Variants in IFI16 observed in about 807,000 individuals in gnomAD.
The protein encoded by IFI16 is gamma-interferon-inducible protein 16.
Under a neutral mutation model 68.4 loss-of-function variants are expected in IFI16, and 49 were observed. That is an observed-to-expected ratio of 0.72 (90% confidence interval 0.57 to 0.91). The LOEUF is 0.91. Among genes scored for constraint, IFI16 ranks in the 40% least tolerant of loss-of-function variants. The pLI is 0.00. For missense variants in IFI16, 878 were observed against 942.9 expected, an observed-to-expected ratio of 0.93 and a Z score of 0.90; for synonymous variants, 307 against 315.0, an observed-to-expected ratio of 0.97 and a Z score of 0.27.
intron 7 of IFI16, among the ~76,000 whole-genome samples, chr1:159,040,928 T>C (rs987236935): frequency 6.6e-6 from 1 of 152,202 alleles, no homozygotes; most frequent in African/African-American, 2.4e-5. Context: ...CTCCAGTATA[T>C]TTACATGTGT....
chr1:159,025,267 C>G (rs12117435), intron 6 of IFI16, among the ~76,000 whole-genome samples: 250 of 152,196 alleles, frequency 1.6e-3, no homozygotes, highest in Non-Finnish European at 2.4e-3. Flanking sequence ...CTTCACCACC[C>G]CCGCGTGCTA....
Position 159,016,552 on chromosome 1 carries a change from A to C in IFI16, c.401A>C (p.Lys134Thr). ...TTTCAGAAAAGAAAAAAATCAACCA[A>C]AGAAAAGGCTGGACCCAAAGGGAGT... ...PGAQKRKKST[K>T]EKAGPKGSKV... Residue 134 changes from lysine to threonine, a missense_variant, in exon 4 of 12, where the codon AAA becomes ACA. Coordinates refer to ENST00000295809, the MANE Select transcript of IFI16 (RefSeq NM_001376587.1). 6.2e-7 allele frequency: 1 copy of C among 1,602,130 alleles called. No individual in the cohort carries two copies. The highest frequency in any genetic ancestry group is 8.5e-7 in the Non-Finnish European group (1 of 1,177,064).
chr1:159,014,383 A>C (rs1422816269), intron 1 of IFI16, among the ~76,000 whole-genome samples: 1 of 151,274 alleles, frequency 6.6e-6, no homozygotes, highest in East Asian at 1.9e-4. Context: ...TGCAGAGCTC[A>C]TACTCTTAAC....
chr1:159,023,709 G>T (rs1208833170), intron 6 of IFI16, among the ~76,000 whole-genome samples: 2 of 151,962 alleles, frequency 1.3e-5, no homozygotes, highest in Non-Finnish European at 2.9e-5. Context: ...CAATTATTTG[G>T]CAGAGTGTCT....
chr1:159,018,273 T>G lies in IFI16; in HGVS notation c.594T>G (p.Asn198Lys). The change falls in exon 5 of 12, where the codon AAT becomes AAG. Residue 198 changes from asparagine (N) to lysine (K), a missense_variant. This residue lies in a region of IFI16 where 443 missense variants were observed against 421.8 expected (regional missense o/e 1.05). Coordinates refer to ENST00000295809, the MANE Select transcript of IFI16 (RefSeq NM_001376587.1). ...VAKCQVTPRR[N>K]VLQKRPVIVK... ...AATGTCAGGTAACTCCCAGAAGAAA[T>G]GTTCTCCAAAAACGCCCAGTGATAG... 2 of 1,614,032 alleles carry G rather than the reference T, an allele frequency of 1.2e-6. No homozygotes were observed. Among genetic ancestry groups the G allele is most frequent in the Non-Finnish European group, 8.5e-7 (1 of 1,179,940 alleles).
rs148749981 is a variant in IFI16, at chr1:159,028,934, T to C, written c.1162-3590T>C. ...TAAACACTTGGTTGGTGAATTCTTA[T>C]TCATTTTGCTGTTCTGTATGCTTTA... On this transcript the variant is annotated intron_variant, in intron 6 of 11. Transcript: ENST00000295809. 8.0e-4 allele frequency among the ~76,000 whole-genome samples: 122 copies of C among 152,330 alleles called. No individual in the cohort carries two copies. The East Asian group carries it at 0.022, about 28-fold the overall frequency.
At chr1:159,054,787 C>T in intron 11 of IFI16, 34 bp from the exon 12 acceptor site, 1 of 1,188,148 alleles carries the variant, frequency 8.4e-7, no homozygotes, top group Admixed American at 1.8e-5. Context: ...ATCAGCATCT[C>T]AACTGGTCTG....
At chr1:159,029,977 C>T (rs1195512955) in intron 6 of IFI16, among the ~76,000 whole-genome samples, 3 of 130,618 alleles carry the variant, frequency 2.3e-5, no homozygotes, top group African/African-American at 3.4e-5. Flanking sequence ...CCACCATGCC[C>T]GGCAGCTTTG....
In IFI16 at chr1:159,032,610, G is replaced by T. The variant is rs773958420; in HGVS notation, c.1248G>T (p.Glu416Asp). The T allele has an allele frequency of 5.0e-6, 8 of 1,613,000 alleles. No homozygotes were observed. The highest frequency in any genetic ancestry group is 2.2e-5 in the East Asian group (1 of 44,758). The change falls in exon 7 of 12, where the codon GAG (glutamate) becomes GAT (aspartate). Residue 416 changes from glutamate to aspartate, a missense_variant. Around this residue, in one of 4 missense-constraint regions of IFI16, gnomAD observed 443 missense variants for 421.8 expected, o/e 1.05. Transcript: ENST00000295809. ...AGCGTCAGCTTCCATATCCTTCAGA[G>T]GCCAGCACAACCTTCCCTGAGAGCC... ...QEQRQLPYPS[E>D]ASTTFPESHL...
chr1:159,022,688 T>C (rs1653412749), intron 6 of IFI16, among the ~76,000 whole-genome samples: 1 of 152,240 alleles, frequency 6.6e-6, no homozygotes, highest in Non-Finnish European at 1.5e-5. Flanking sequence ...ATAAGCATGT[T>C]AGGGCAAATA....
chr1:159,003,982 C>A (rs1385481000), upstream of IFI16, among the ~76,000 whole-genome samples: 3 of 152,118 alleles, frequency 2.0e-5, no homozygotes, highest in Non-Finnish European at 4.4e-5. Context: ...TTTTGCATTT[C>A]TGACACTCAT....
In IFI16 at chr1:159,036,627, G is replaced by A. The variant is rs1654344154; in HGVS notation, c.1329+3936G>A. Among the ~76,000 whole-genome samples the A allele has an allele frequency of 2.0e-5, 3 of 152,208 alleles. No homozygotes were observed. In the South Asian group the frequency reaches 6.2e-4, roughly 32 times the overall value. ...TTAAAATTAGACATTGTTTTTGTTT[G>A]GGTTTGTTTTCATAATCTAGTCTCT... On this transcript the variant is annotated intron_variant, in intron 7 of 11. Coordinates refer to ENST00000295809, the MANE Select transcript of IFI16 (RefSeq NM_001376587.1).
intron 1 of IFI16, among the ~76,000 whole-genome samples, chr1:159,014,340 A>G (rs1652784210): frequency 6.6e-6 from 1 of 152,210 alleles, no homozygotes. Flanking sequence ...AGCCCCAGTA[A>G]AGGATAAGAA....
chr1:159,013,164 T>A (rs1170140777), intron 1 of IFI16, among the ~76,000 whole-genome samples: 1 of 4,918 alleles, frequency 2.0e-4, no homozygotes, highest in Non-Finnish European at 6.6e-3. Flanking sequence ...GAAGGAAGCT[T>A]TTTTTTTTTT....
At chr1:159,041,816 A>T (rs1216810830) in intron 7 of IFI16, among the ~76,000 whole-genome samples, 13 of 152,164 alleles carry the variant, frequency 8.5e-5, no homozygotes, top group Admixed American at 8.5e-4. Context: ...GAGCCTATAA[A>T]AAGGGGGATT....
At chr1:159,034,039 TGGTAATGCCAA>T (rs1316846107) in intron 7 of IFI16, among the ~76,000 whole-genome samples, 1 of 152,226 alleles carries the variant, frequency 6.6e-6, no homozygotes, top group Non-Finnish European at 1.5e-5. Context: ...ATCACTTACT[TGGTAATGCCAA>T]GGTAAGTTCT....
chr1:159,020,521 T>A lies in IFI16; in HGVS notation c.1153T>A (p.Phe385Ile). Residue 385 changes from phenylalanine (F) to isoleucine (I), a missense_variant, in exon 6 of 12, where the codon TTT becomes ATT. Physicochemically the swap from Phe to Ile is conservative, Grantham distance 21 (BLOSUM62 0). Transcript: ENST00000295809. Reference sequence around the variant, plus strand: ...AAAACTGATTTCAGAAATGCATAGTTTTATCCAGGTAAGAATTAAATAGGC... The same window carrying A: ...AAAACTGATTTCAGAAATGCATAGTATTATCCAGGTAAGAATTAAATAGGC... ...MSKLISEMHS[F>I]IQIKKKTNPR... 2 of 1,605,126 alleles carry A rather than the reference T, an allele frequency of 1.2e-6. No homozygotes were observed. The highest frequency in any genetic ancestry group is 1.7e-6 in the Non-Finnish European group (2 of 1,174,334).
At chr1:159,033,035 C>A (rs1654105828) in intron 7 of IFI16, among the ~76,000 whole-genome samples, 1 of 151,920 alleles carries the variant, frequency 6.6e-6, no homozygotes, top group African/African-American at 2.4e-5. Context: ...TTACCCATTT[C>A]CCCTTTGCTT....
In IFI16 at chr1:159,016,579, A is replaced by C; in HGVS notation, c.428A>C (p.Lys143Thr). ...GAAAAGGCTGGACCCAAAGGGAGTAAGGTGTCCGAGGAACAGACTCAGCCT... is the reference window on the plus strand; with the variant it reads ...GAAAAGGCTGGACCCAAAGGGAGTACGGTGTCCGAGGAACAGACTCAGCCT... Reference protein sequence around the residue: ...TKEKAGPKGSKVSEEQTQPPS... With the variant: ...TKEKAGPKGSTVSEEQTQPPS... The change falls in exon 4 of 12, where the codon AAG (lysine) becomes ACG (threonine). Residue 143 changes from lysine (K) to threonine (T), a missense_variant. Physicochemically the swap from Lys to Thr is moderately conservative, Grantham distance 78 (BLOSUM62 -1). Transcript: ENST00000295809. 6.2e-7 allele frequency: 1 copy of C among 1,614,158 alleles called. No homozygotes were observed. Among genetic ancestry groups the C allele is most frequent in the Non-Finnish European group, 8.5e-7 (1 of 1,180,002 alleles).
Sources: allele counts gnomAD v4.1 joint callset (sites outside exome capture counted in the v4.1 genomes callset), GRCh38; gene constraint gnomAD v4.1.1; regional missense constraint gnomAD v4.1.1; transcripts MANE v1.5; gene names NCBI Gene and HGNC (gene_info 2026-07-23, HGNC 2026-07-21).